Variants in FMN2 observed in about 807,000 individuals in gnomAD.
FMN2 encodes the protein formin 2.
Under a neutral mutation model 142.3 loss-of-function variants are expected in FMN2, and 51 were observed. The ratio of observed to expected loss-of-function variants is 0.36; its 90% CI spans 0.29 to 0.45. FMN2 has a LOEUF of 0.45. Among genes scored for constraint, FMN2 ranks in the 20% least tolerant of loss-of-function variants. The probability of loss-of-function intolerance (pLI) is 1.00; values close to 1 mark genes in which losing one functional copy is unlikely to be tolerated. For missense variants in FMN2, 1,936 were observed against 2,122.8 expected (o/e 0.91, Z 1.73); for synonymous variants, 882 against 869.8 (o/e 1.01, Z -0.25).
chr1:240,396,244 A>G (rs892557537), intron 15 of FMN2, among the ~76,000 whole-genome samples: 5 of 152,036 alleles, frequency 3.3e-5, no homozygotes, highest in Admixed American at 1.3e-4. Context: ...CTCTATTACA[A>G]TATTCATTCA....
At chr1:240,129,108 A>T (rs1662632184) in intron 2 of FMN2, among the ~76,000 whole-genome samples, 1 of 152,114 alleles carries the variant, frequency 6.6e-6, no homozygotes, top group Admixed American at 6.6e-5. Context: ...TCCTGACCTC[A>T]GGTGATCCAC....
chr1:240,198,626 C>T (rs1329153834), intron 4 of FMN2, among the ~76,000 whole-genome samples: 6 of 152,142 alleles, frequency 3.9e-5, no homozygotes, highest in East Asian at 3.8e-4. Flanking sequence ...TACCATTTGC[C>T]ATCTGTTCTA....
chr1:240,217,552 C>T (rs1666951468), intron 6 of FMN2, among the ~76,000 whole-genome samples: 1 of 152,066 alleles, frequency 6.6e-6, no homozygotes, highest in South Asian at 2.1e-4. Context: ...ATTCCTATTG[C>T]AAGCCTTAAA....
intron 2 of FMN2, among the ~76,000 whole-genome samples, chr1:240,140,838 TAATA>T (rs1663151102): frequency 6.6e-6 from 1 of 152,212 alleles, no homozygotes; most frequent in South Asian, 2.1e-4. Context: ...TATGAGGGAA[TAATA>T]AAAACACCAA....
intron 8 of FMN2, among the ~76,000 whole-genome samples, chr1:240,310,530 A>G (rs916585988): frequency 5.3e-5 from 8 of 152,224 alleles, no homozygotes. Flanking sequence ...ATTAAAACCT[A>G]GAGAAACCAC....
chr1:240,428,226 A>G (rs1364817287), intron 15 of FMN2, among the ~76,000 whole-genome samples: 2 of 145,832 alleles, frequency 1.4e-5, no homozygotes. Flanking sequence ...TCTCCAAAAC[A>G]TTTCGCCTTT....
At position 240,093,097 on chromosome 1, in the gene FMN2, C is replaced by T; in HGVS notation, c.988C>T (p.Pro330Ser). 1 of 1,395,948 alleles carries T rather than the reference C, an allele frequency of 7.2e-7. No individual in the cohort carries two copies. The highest frequency in any genetic ancestry group is 9.2e-7 in the Non-Finnish European group (1 of 1,084,338). The allele number at this position is 1,395,948 out of a possible 1,614,324, so 86.5% of individuals were successfully genotyped here. A position where few individuals can be genotyped will look rare whatever the true frequency, so the allele number is the denominator to read the frequency against. The change falls in exon 1 of 18, where the codon CCG becomes TCG. Residue 330 changes from proline (P) to serine (S), a missense_variant. Transcript: ENST00000319653. ...GGCTTTCCCATTTCCCGAGGCCGGG[C>T]CGGGGGAGGAAGCGGCCGGAGCCCC... ...STAFPFPEAG[P>S]GEEAAGAPVR... is the part of the protein sequence containing the mutation.
intron 2 of FMN2, among the ~76,000 whole-genome samples, chr1:240,169,331 A>T (rs1664608628): frequency 6.6e-6 from 1 of 152,210 alleles, no homozygotes; most frequent in Non-Finnish European, 1.5e-5. Flanking sequence ...CTTGTCTCAG[A>T]TATCACACCC....
At chr1:240,383,352 G>T (rs768321745) in intron 14 of FMN2, among the ~76,000 whole-genome samples, 2 of 152,088 alleles carry the variant, frequency 1.3e-5, no homozygotes, top group Non-Finnish European at 2.9e-5. Flanking sequence ...TAAAATACTT[G>T]CAAATTATGC....
intron 2 of FMN2, among the ~76,000 whole-genome samples, chr1:240,136,795 T>TG (rs1345193303): frequency 6.6e-6 from 1 of 152,046 alleles, no homozygotes; most frequent in African/African-American, 2.4e-5. Flanking sequence ...GAATCTGGCC[T>TG]GGTGCGGTGG....
intron 10 of FMN2, 65 bp from the exon 11 acceptor site, chr1:240,330,538 T>C (rs1671340600): frequency 1.3e-6 from 2 of 1,548,102 alleles, no homozygotes; most frequent in Non-Finnish European, 1.8e-6. Context: ...TGGCATCAAC[T>C]CGATGATTCA....
chr1:240,214,708 T>G (rs1051091200), intron 6 of FMN2, among the ~76,000 whole-genome samples: 1 of 152,160 alleles, frequency 6.6e-6, no homozygotes, highest in Non-Finnish European at 1.5e-5. Context: ...GGTAGTTCAG[T>G]GATTTTTAAT....
At chr1:240,117,296 T>C (rs957971313) in intron 1 of FMN2, among the ~76,000 whole-genome samples, 1 of 152,200 alleles carries the variant, frequency 6.6e-6, no homozygotes, top group African/African-American at 2.4e-5. Flanking sequence ...TTAAACATTG[T>C]ATTGGAGTGG....
chr1:240,216,112 G>T (rs886683279), intron 6 of FMN2, among the ~76,000 whole-genome samples: 1 of 152,192 alleles, frequency 6.6e-6, no homozygotes, highest in African/African-American at 2.4e-5. Context: ...AAATACATAA[G>T]CTTCCGTAAG....
Position 240,171,104 on chromosome 1 carries a change from G to A in FMN2, c.1783-6817G>A, listed in dbSNP as rs534814887. On this transcript the variant is annotated intron_variant, in intron 2 of 17. Transcript: ENST00000319653. ...CATCCATTCCAGCTGGTAACAGGTC[G>A]CACATGGAAAGGCACTGCCTTTGGA... 88 of 1,440,816 alleles carry A rather than the reference G, an allele frequency of 6.1e-5. No individual in the cohort carries two copies. In the South Asian group the frequency reaches 6.8e-4, roughly 11 times the overall value. 89.3% of individuals were successfully genotyped at this position (1,440,816 alleles called of 1,614,324 possible). A position where few individuals can be genotyped will look rare whatever the true frequency, so the allele number is the denominator to read the frequency against.
intron 2 of FMN2, among the ~76,000 whole-genome samples, chr1:240,150,523 G>T (rs1050199641): frequency 2.0e-5 from 3 of 152,186 alleles, no homozygotes; most frequent in African/African-American, 7.2e-5. Flanking sequence ...AGGTCAAGCT[G>T]ATATTTAATA....
intron 14 of FMN2, among the ~76,000 whole-genome samples, chr1:240,375,204 T>A (rs1277129694): frequency 6.6e-6 from 1 of 152,160 alleles, no homozygotes; most frequent in Non-Finnish European, 1.5e-5. Flanking sequence ...CAAAGATCAC[T>A]GATCACAGAT....
chr1:240,243,364 T>G (rs1174091068), intron 6 of FMN2, among the ~76,000 whole-genome samples: 1 of 152,202 alleles, frequency 6.6e-6, no homozygotes, highest in Non-Finnish European at 1.5e-5. Flanking sequence ...ATCAAGGTTA[T>G]GAGATAGCCA....
At chr1:240,339,518 A>T (rs1016823901) in intron 13 of FMN2, among the ~76,000 whole-genome samples, 7 of 150,322 alleles carry the variant, frequency 4.7e-5, no homozygotes, top group South Asian at 2.1e-4. Context: ...TATGATTTTT[A>T]AAAAAAATTT....
Sources: gnomAD v4.1 joint callset for allele counts (sites outside exome capture counted in the v4.1 genomes callset) on GRCh38, gnomAD v4.1.1 for gene constraint, MANE v1.5 for transcripts, NCBI Gene and HGNC (gene_info 2026-07-23, HGNC 2026-07-21) for gene names.